The following EVA1A variants were observed in gnomAD, a reference collection of about 807,000 sequenced individuals.
EVA1A encodes protein eva-1 homolog A.
In EVA1A, 7 loss-of-function variants were observed where a neutral mutation model predicts 9.8. The observed-to-expected ratio is 0.71, with a 90% CI of 0.41 to 1.34. EVA1A has a LOEUF of 1.34. Among genes scored for constraint, EVA1A ranks in the 40% most tolerant of loss-of-function variants. The pLI, the probability that EVA1A is intolerant of heterozygous loss-of-function variation, is 0.01. For synonymous variants in EVA1A, 90 were observed against 85.6 expected, an observed-to-expected ratio of 1.05 and a Z score of -0.28; for missense variants, 206 against 205.9, an observed-to-expected ratio of 1.00 and a Z score of 0.00.
intron 1 of EVA1A, among the ~76,000 whole-genome samples, chr2:75,558,208 G>T (rs1213932586): frequency 6.6e-6 from 1 of 152,194 alleles, no homozygotes; most frequent in Admixed American, 6.5e-5. Context: ...AATTAGGTAG[G>T]CACTCAGTAT....
At chr2:75,557,981 C>A (rs1000302108) in intron 1 of EVA1A, among the ~76,000 whole-genome samples, 9 of 152,244 alleles carry the variant, frequency 5.9e-5, no homozygotes, top group African/African-American at 2.2e-4. Flanking sequence ...CCTTTACCCG[C>A]ATAGTGTAAA....
At position 75,492,801 on chromosome 2, in the gene EVA1A, C is replaced by CAT. The variant is rs1450025153; in HGVS notation, c.*433_*434dup. The CAT allele has an allele frequency of 6.2e-6, 1 of 161,824 alleles. No individual in the cohort carries two copies. Among genetic ancestry groups the CAT allele is most frequent in the Non-Finnish European group, 1.3e-5 (1 of 74,436 alleles). The allele number at this position is 161,824 out of a possible 1,614,324, so 10.0% of individuals were successfully genotyped here. ...ATGCTATTTGAATCAGAATCACCTC[C>CAT]ATAGCATGAAGTCATTTAGGAAATT... On this transcript the variant is annotated 3_prime_UTR_variant, in exon 4 of 4. Coordinates refer to ENST00000393913, the MANE Select transcript of EVA1A (RefSeq NM_001135032.2).
At chr2:75,505,077 CT>C (rs1674567072) in intron 3 of EVA1A, among the ~76,000 whole-genome samples, 1 of 152,220 alleles carries the variant, frequency 6.6e-6, no homozygotes, top group Non-Finnish European at 1.5e-5. Flanking sequence ...TTTTCTTCCC[CT>C]GCAAGGGAAA....
chr2:75,529,149 C>T (rs947749396), intron 1 of EVA1A, among the ~76,000 whole-genome samples: 27 of 152,162 alleles, frequency 1.8e-4, no homozygotes, highest in Admixed American at 1.3e-4. Flanking sequence ...GCAGACACTC[C>T]CCAGTACCAG....
chr2:75,493,552 A>C lies in EVA1A; in HGVS notation c.143T>G (p.Leu48Arg), dbSNP rs1238583776. The C allele has an allele frequency of 1.9e-6, 3 of 1,613,972 alleles. No individual in the cohort carries two copies. Among genetic ancestry groups the C allele is most frequent in the Non-Finnish European group, 2.5e-6 (3 of 1,179,994 alleles). Residue 48 changes from leucine to arginine, a missense_variant, in exon 4 of 4, where the codon CTG becomes CGG. Coordinates refer to ENST00000393913, the MANE Select transcript of EVA1A (RefSeq NM_001135032.2). ...CCTTATCACCAGAGCAGCCAGGGTC[A>C]GCACCAGCCCGATGCACACGCCAGA... ...FVSGVCIGLV[L>R]TLAALVIRIS...
chr2:75,519,782 G>A (rs901467681), intron 2 of EVA1A, among the ~76,000 whole-genome samples: 14 of 152,264 alleles, frequency 9.2e-5, no homozygotes, highest in African/African-American at 3.1e-4. Context: ...GTCTGAGTTT[G>A]TAGTGAGCCA....
intron 3 of EVA1A, among the ~76,000 whole-genome samples, chr2:75,506,734 C>G (rs1018348355): frequency 2.6e-5 from 4 of 152,152 alleles, no homozygotes; most frequent in Non-Finnish European, 5.9e-5. Context: ...TGTGTAAGAA[C>G]TATCAAGTCT....
intron 1 of EVA1A, among the ~76,000 whole-genome samples, chr2:75,522,702 G>A (rs1290698870): frequency 6.6e-6 from 1 of 152,106 alleles, no homozygotes; most frequent in East Asian, 1.9e-4. Flanking sequence ...AGTCTCCCAG[G>A]GTCATACCAG....
chr2:75,563,812 T>A (rs1057197706), upstream of EVA1A, among the ~76,000 whole-genome samples: 14 of 152,226 alleles, frequency 9.2e-5, no homozygotes, highest in Non-Finnish European at 1.8e-4. Context: ...CTCATTTTCC[T>A]ACCCACAAAA....
chr2:75,494,643 A>T (rs1674143463), intron 3 of EVA1A, among the ~76,000 whole-genome samples: 1 of 152,162 alleles, frequency 6.6e-6, no homozygotes, highest in African/African-American at 2.4e-5. Flanking sequence ...TCTTGAGGGG[A>T]CCACAGTCCT....
chr2:75,522,697 C>T (rs1474782749), intron 1 of EVA1A, among the ~76,000 whole-genome samples: 1 of 152,168 alleles, frequency 6.6e-6, no homozygotes, highest in Non-Finnish European at 1.5e-5. Flanking sequence ...AAACCAGTCT[C>T]CCAGGGTCAT....
At chr2:75,542,430 A>C (rs563710961) in intron 1 of EVA1A, 2 of 152,200 alleles carry the variant, frequency 1.3e-5, no homozygotes, top group Non-Finnish European at 2.9e-5. Context: ...GTTCTTCCCA[A>C]CCTACCTTTC....
At chr2:75,560,370 G>C (rs1572997555) in intron 1 of EVA1A, among the ~76,000 whole-genome samples, 1 of 152,218 alleles carries the variant, frequency 6.6e-6, no homozygotes, top group South Asian at 2.1e-4. Flanking sequence ...ATTTGGGAAC[G>C]ACCTGCTTTC....
At position 75,503,258 on chromosome 2, in the gene EVA1A, C is replaced by G. The variant is rs142640732; in HGVS notation, c.86-9649G>C. Reference sequence around the variant, plus strand: ...GCTCCAAGGTGATTGTTTTTTCTCTCCTATAATACTTTCTGCTCCAGGTCA... The same window carrying G: ...GCTCCAAGGTGATTGTTTTTTCTCTGCTATAATACTTTCTGCTCCAGGTCA... On this transcript the variant is annotated intron_variant, in intron 3 of 3. Transcript: ENST00000393913. Among the ~76,000 whole-genome samples the G allele has an allele frequency of 4.7e-3, 720 of 152,274 alleles. 31 individuals carry two copies. Among genetic ancestry groups the G allele is most frequent in the Admixed American group, 0.04 (615 of 15,298 alleles).
intron 3 of EVA1A, among the ~76,000 whole-genome samples, chr2:75,501,628 G>T (rs912158947): frequency 6.6e-6 from 1 of 152,180 alleles, no homozygotes; most frequent in Non-Finnish European, 1.5e-5. Flanking sequence ...GCCAATTATA[G>T]TTATGCCACA....
In EVA1A at chr2:75,500,105, C is replaced by T. The variant is rs112908108; in HGVS notation, c.86-6496G>A. ...CCACATCCCATCTTACTATGGTGCA[C>T]TGCCCGGAGTGCAAAAATGGCCACC... is the stretch of plus-strand genomic sequence containing the variant. On this transcript the variant is annotated intron_variant, in intron 3 of 3. Coordinates refer to ENST00000393913, the MANE Select transcript of EVA1A (RefSeq NM_001135032.2). Among the ~76,000 whole-genome samples, 823 of 152,304 alleles carry T rather than the reference C, an allele frequency of 5.4e-3. 3 individuals carry two copies. The highest frequency in any genetic ancestry group is 8.7e-3 in the Admixed American group (133 of 15,296).
At chr2:75,559,048 A>G (rs1277578952) in intron 1 of EVA1A, among the ~76,000 whole-genome samples, 1 of 152,228 alleles carries the variant, frequency 6.6e-6, no homozygotes, top group Non-Finnish European at 1.5e-5. Flanking sequence ...TAGAGCAGAT[A>G]AAAGGATGAG....
intron 3 of EVA1A, among the ~76,000 whole-genome samples, chr2:75,501,571 C>T (rs1019235388): frequency 2.0e-5 from 3 of 152,174 alleles, no homozygotes; most frequent in African/African-American, 7.2e-5. Context: ...GTTTTGATTT[C>T]TGGCCTTACT....
At chr2:75,524,248 A>G (rs1443077423) in intron 1 of EVA1A, 2 of 151,982 alleles carry the variant, frequency 1.3e-5, no homozygotes, top group Non-Finnish European at 2.9e-5. Flanking sequence ...GTATATCTTT[A>G]TTAGCTGAGA....
Sources: gnomAD v4.1 joint callset for allele counts (sites outside exome capture counted in the v4.1 genomes callset) on GRCh38, gnomAD v4.1.1 for gene constraint, MANE v1.5 for transcripts, NCBI Gene and HGNC (gene_info 2026-07-23, HGNC 2026-07-21) for gene names.